CCDC25: variants seen among roughly 807,000 people sequenced by gnomAD.
The protein encoded by CCDC25 is coiled-coil domain containing 25, also known as coiled-coil domain-containing protein 25.
Under a neutral mutation model 35.3 loss-of-function variants are expected in CCDC25, and 16 were observed. That is an observed-to-expected ratio of 0.45 (90% CI 0.31 to 0.69). The LOEUF (loss-of-function observed/expected upper bound fraction) is 0.69, where lower values mean the gene tolerates loss of function less well. Among genes scored for constraint, CCDC25 ranks in the 30% least tolerant of loss-of-function variants. The probability of loss-of-function intolerance (pLI) is 0.06; values close to 1 mark genes in which losing one functional copy is unlikely to be tolerated. For missense variants in CCDC25, 179 were observed against 250.7 expected (o/e 0.71, Z 1.93); for synonymous variants, 79 against 80.3 (o/e 0.98, Z 0.09).
chr8:27,751,387 C>T (rs1286905128), intron 5 of CCDC25, among the ~76,000 whole-genome samples: 1 of 152,210 alleles, frequency 6.6e-6, no homozygotes, highest in African/African-American at 2.4e-5. Context: ...AATTTGTTAA[C>T]TTATAGAGTT....
intron 3 of CCDC25, among the ~76,000 whole-genome samples, chr8:27,757,616 G>A (rs953578696): frequency 2.6e-5 from 4 of 152,078 alleles, no homozygotes; most frequent in African/African-American, 4.8e-5. Context: ...AGATTTTCAT[G>A]TTTTCAATTC....
intron 1 of CCDC25, among the ~76,000 whole-genome samples, chr8:27,769,787 TAAAGAG>T (rs773888361): frequency 1.2e-4 from 19 of 152,316 alleles, no homozygotes; most frequent in Admixed American, 6.5e-4. Context: ...ATCTTACTTC[TAAAGAG>T]AAAGTATTGC....
intron 8 of CCDC25, 72 bp downstream of exon 8, chr8:27,740,400 A>G: frequency 2.1e-6 from 3 of 1,430,078 alleles, no homozygotes; most frequent in African/African-American, 2.8e-5. Flanking sequence ...AATAATGGCC[A>G]GTAACACAAT....
At chr8:27,741,737 A>G (rs1470303285) in intron 7 of CCDC25, among the ~76,000 whole-genome samples, 1 of 152,176 alleles carries the variant, frequency 6.6e-6, no homozygotes, top group Non-Finnish European at 1.5e-5. Context: ...CATAATACCA[A>G]TGTTTTGAAA....
chr8:27,765,485 A>C (rs1345281957), intron 1 of CCDC25, among the ~76,000 whole-genome samples: 1 of 152,162 alleles, frequency 6.6e-6, no homozygotes, highest in Non-Finnish European at 1.5e-5. Flanking sequence ...ATTGTAGGTG[A>C]CTCACAAAGC....
chr8:27,762,900 GAAGTATA>G (rs965718762), intron 2 of CCDC25, among the ~76,000 whole-genome samples: 23 of 151,910 alleles, frequency 1.5e-4, no homozygotes, highest in African/African-American at 5.6e-4. Flanking sequence ...ACAAACATTA[GAAGTATA>G]AAAAGAAAAT....
chr8:27,760,311 A>G (rs539591020), intron 3 of CCDC25, among the ~76,000 whole-genome samples: 63 of 152,328 alleles, frequency 4.1e-4, no homozygotes, highest in African/African-American at 1.5e-3. Context: ...GCTGCATCTG[A>G]TTATGTAACC....
At chr8:27,746,060 T>C (rs961633725) in intron 7 of CCDC25, among the ~76,000 whole-genome samples, 2 of 152,244 alleles carry the variant, frequency 1.3e-5, no homozygotes, top group African/African-American at 2.4e-5. Context: ...ATGCTTGTAA[T>C]TTTTGAAACT....
chr8:27,762,375 G>T, intron 3 of CCDC25, 44 bp downstream of exon 3: 1 of 1,567,938 alleles, frequency 6.4e-7, no homozygotes, highest in Non-Finnish European at 8.8e-7. Context: ...GTCTAAGAAA[G>T]GAAATGATGA....
At chr8:27,760,532 C>T (rs1001320726) in intron 3 of CCDC25, among the ~76,000 whole-genome samples, 4 of 152,160 alleles carry the variant, frequency 2.6e-5, no homozygotes, top group Admixed American at 2.0e-4. Context: ...ACTGCTTCTA[C>T]GCTGGCAGGG....
intron 3 of CCDC25, among the ~76,000 whole-genome samples, chr8:27,757,272 C>T (rs1804043056): frequency 6.6e-6 from 1 of 152,104 alleles, no homozygotes. Flanking sequence ...TTGTGACATC[C>T]CAAATTTCAA....
At position 27,742,534 on chromosome 8, in the gene CCDC25, G is replaced by A. The variant is rs1803473394; in HGVS notation, c.552-2017C>T. ...TCTACCCAGGCTGAAGAATCACTGG[G>A]TCAAAATTCCCATCTATGTGACAAT... is the stretch of plus-strand genomic sequence containing the variant. On this transcript the variant is annotated intron_variant, in intron 7 of 8. Coordinates refer to ENST00000356537, the MANE Select transcript of CCDC25 (RefSeq NM_018246.3). 1.3e-5 allele frequency among the ~76,000 whole-genome samples: 2 copies of A among 152,186 alleles called. 1 individual carries two copies. Among genetic ancestry groups the A allele is most frequent in the African/African-American group, 4.8e-5 (2 of 41,442 alleles).
At chr8:27,762,938 T>C (rs1306200394) in intron 2 of CCDC25, among the ~76,000 whole-genome samples, 1 of 152,106 alleles carries the variant, frequency 6.6e-6, no homozygotes, top group Non-Finnish European at 1.5e-5. Flanking sequence ...TTAAATTCTA[T>C]CACACATGGA....
intron 4 of CCDC25, among the ~76,000 whole-genome samples, chr8:27,756,085 A>G (rs1803993973): frequency 6.6e-6 from 1 of 152,230 alleles, no homozygotes; most frequent in African/African-American, 2.4e-5. Context: ...GGGGGAAACT[A>G]GGTGAAGGGT....
intron 7 of CCDC25, chr8:27,747,617 G>A (rs924711829): frequency 2.5e-5 from 4 of 159,224 alleles, no homozygotes; most frequent in African/African-American, 9.6e-5. Flanking sequence ...GTAGTGCTTT[G>A]AAGCAGACCT....
At chr8:27,750,956 C>T (rs1423369141) in intron 5 of CCDC25, among the ~76,000 whole-genome samples, 1 of 152,184 alleles carries the variant, frequency 6.6e-6, no homozygotes, top group Non-Finnish European at 1.5e-5. Context: ...TAGCAACGAC[C>T]ATTTTCTCCA....
chr8:27,765,939 A>G (rs149080881), intron 1 of CCDC25, among the ~76,000 whole-genome samples: 1 of 152,362 alleles, frequency 6.6e-6, no homozygotes, highest in East Asian at 1.9e-4. Flanking sequence ...TGATTCTAAT[A>G]TAAGGTCAGG....
intron 1 of CCDC25, chr8:27,772,214 C>T: frequency 3.7e-6 from 2 of 545,388 alleles, no homozygotes; most frequent in South Asian, 2.2e-5. Context: ...AGCCCACAGG[C>T]TCTGCCCAAT....
intron 3 of CCDC25, among the ~76,000 whole-genome samples, chr8:27,760,900 T>C (rs1327812447): frequency 6.6e-6 from 1 of 152,056 alleles, no homozygotes; most frequent in African/African-American, 2.4e-5. Context: ...CCAACGCGGG[T>C]AGATCACCTG....
Sources: gnomAD v4.1 joint callset for allele counts (sites outside exome capture counted in the v4.1 genomes callset) on GRCh38, gnomAD v4.1.1 for gene constraint, MANE v1.5 for transcripts, NCBI Gene and HGNC (gene_info 2026-07-23, HGNC 2026-07-21) for gene names.